The following NPAS4 variants were observed in gnomAD, a reference collection of about 807,000 sequenced individuals.
NPAS4 encodes the protein neuronal PAS domain-containing protein 4.
A neutral mutation model predicts 64.0 loss-of-function variants in NPAS4; 10 were observed. That is an observed-to-expected ratio of 0.16 (90% CI 0.10 to 0.26). The LOEUF is 0.26. Among genes scored for constraint, NPAS4 ranks in the 10% least tolerant of loss-of-function variants. The pLI is 1.00. For missense variants in NPAS4, 886 were observed against 992.6 expected (o/e 0.89, Z 1.44); for synonymous variants, 441 against 411.7 (o/e 1.07, Z -0.86).
rs923439670 is a variant in NPAS4, at chr11:66,423,227, G to A, written c.803G>A (p.Arg268His). 2.5e-6 allele frequency: 4 copies of A among 1,593,018 alleles called. No homozygotes were observed. The highest frequency in any genetic ancestry group is 1.7e-4 in the Middle Eastern group (1 of 6,036). Reference protein sequence around the residue: ...DLAHASAQHYRLLAESGDIQA... With the variant: ...DLAHASAQHYHLLAESGDIQA... ...GCCCACGCTTCTGCTCAACACTACC[G>A]CCTGTGTGAGTGTCCAGAGAGGCTG... The change falls in exon 5 of 8, where the codon CGC becomes CAC. Residue 268 changes from arginine (R) to histidine (H), a missense_variant. This residue lies in a region of NPAS4 where 820 missense variants were observed against 855.5 expected (regional missense o/e 0.96). Coordinates refer to ENST00000311034, the MANE Select transcript of NPAS4 (RefSeq NM_178864.4).
At chr11:66,423,528 G>C in intron 5 of NPAS4, 50 bp from the exon 6 acceptor site, 3 of 1,608,884 alleles carry the variant, frequency 1.9e-6, no homozygotes, top group Non-Finnish European at 2.5e-6. Flanking sequence ...GTGGGGAGTA[G>C]GTAGAATTGC....
Position 66,425,215 on chromosome 11 carries a change from G to A in NPAS4, c.2325G>A (p.Gly775=), listed in dbSNP as rs780780487. ...ETGVSAFPYD[G]FTDELHQLQS... ...GTGTCTCAGCATTCCCCTATGATGG[G>A]TTTACTGATGAGTTGCATCAACTCC... is the stretch of plus-strand genomic sequence containing the variant. The change falls in exon 7 of 8, where the codon GGG becomes GGA. Residue 775 remains glycine (G), a synonymous_variant. Transcript: ENST00000311034. 6.5e-7 allele frequency: 1 copy of A among 1,541,328 alleles called. No homozygotes were observed. The highest frequency in any genetic ancestry group is 8.7e-7 in the Non-Finnish European group (1 of 1,150,544).
chr11:66,419,705 T>TG (rs1856709678), upstream of NPAS4, among the ~76,000 whole-genome samples: 1 of 78,234 alleles, frequency 1.3e-5, no homozygotes, highest in Admixed American at 1.5e-4. Context: ...TGTGGGGGGG[T>TG]GGGGATAGGG....
At chr11:66,412,757 C>A in the NPAS4 span, among the ~76,000 whole-genome samples, 1 of 152,208 alleles carries the variant, frequency 6.6e-6, no homozygotes, top group Non-Finnish European at 1.5e-5. Flanking sequence ...ACTTAACTGA[C>A]CGATGTCACA....
chr11:66,410,603 G>A, the NPAS4 span: 2 of 152,260 alleles, frequency 1.3e-5, no homozygotes, highest in Non-Finnish European at 2.9e-5. Flanking sequence ...ACAGCCTGTG[G>A]GAGGCCCACA....
the NPAS4 span, among the ~76,000 whole-genome samples, chr11:66,412,871 G>A: frequency 6.6e-6 from 1 of 152,308 alleles, no homozygotes; most frequent in South Asian, 2.1e-4. Context: ...CACGTGGACC[G>A]TGTCTCTCCC....
At chr11:66,418,394 G>T (rs1856693525), upstream of NPAS4, among the ~76,000 whole-genome samples, 1 of 152,110 alleles carries the variant, frequency 6.6e-6, no homozygotes, top group Non-Finnish European at 1.5e-5. Flanking sequence ...ACCGTCACTG[G>T]TGATATAAAT....
At position 66,422,941 on chromosome 11, in the gene NPAS4, G is replaced by A; in HGVS notation, c.698G>A (p.Ser233Asn). Reference sequence around the variant, plus strand: ...CTGGCTCTACTGGACATCTCCGAGAGGTAAGCCTGGAGTGTTCAGATTCCA... The same window carrying A: ...CTGGCTCTACTGGACATCTCCGAGAAGTAAGCCTGGAGTGTTCAGATTCCA... ...KDLALLDISE[S>N]VLIYLGFERS... Residue 233 changes from serine (S) to asparagine (N), a missense_variant and splice_region_variant, in exon 4 of 8, where the codon AGT (serine) becomes AAT (asparagine). By Grantham distance (46) the Ser-to-Asn change is conservative. Coordinates refer to ENST00000311034, the MANE Select transcript of NPAS4 (RefSeq NM_178864.4). 1.2e-6 allele frequency: 2 copies of A among 1,603,584 alleles called. No individual in the cohort carries two copies. Among genetic ancestry groups the A allele is most frequent in the South Asian group, 1.1e-5 (1 of 91,056 alleles).
At chr11:66,420,074 C>A (rs1856717286), upstream of NPAS4, among the ~76,000 whole-genome samples, 6 of 152,202 alleles carry the variant, frequency 3.9e-5, no homozygotes. Flanking sequence ...GCCCCGCCCC[C>A]GCCCCCGGCC....
At chr11:66,415,613 CTT>C in the NPAS4 span, among the ~76,000 whole-genome samples, 1 of 152,166 alleles carries the variant, frequency 6.6e-6, no homozygotes, top group Admixed American at 6.5e-5. Flanking sequence ...TCCAATAAAA[CTT>C]TATTTACAAA....
intron 1 of NPAS4, 37 bp from the exon 2 acceptor site, chr11:66,422,083 T>A: frequency 6.2e-7 from 1 of 1,600,938 alleles, no homozygotes; most frequent in Middle Eastern, 1.9e-4. Context: ...TGCCTCCCAG[T>A]CTTACTCCTG....
At chr11:66,422,601 C>T (rs893335216) in intron 3 of NPAS4, 48 bp downstream of exon 3, 2 of 1,599,266 alleles carry the variant, frequency 1.3e-6, no homozygotes, top group African/African-American at 1.3e-5. Context: ...CACCTGCTGC[C>T]CTTCTCCCCA....
chr11:66,425,079 A>T lies in NPAS4; in HGVS notation c.2189A>T (p.Asp730Val). ...PDPSEEWGSGDPEAEGPGGAP... is the reference protein window; with the variant it reads ...PDPSEEWGSGVPEAEGPGGAP... ...CCCAGTGAGGAATGGGGCTCAGGGG[A>T]TCCTGAGGCAGAGGGCCCAGGAGGG... The change falls in exon 7 of 8, where the codon GAT becomes GTT. Residue 730 changes from aspartate (D) to valine (V), a missense_variant. By Grantham distance (152) the Asp-to-Val change is radical. Coordinates refer to ENST00000311034, the MANE Select transcript of NPAS4 (RefSeq NM_178864.4). 6.2e-7 allele frequency: 1 copy of T among 1,603,618 alleles called. No individual in the cohort carries two copies. The highest frequency in any genetic ancestry group is 1.7e-5 in the Admixed American group (1 of 57,646).
At chr11:66,422,384 T>C in intron 2 of NPAS4, 67 bp from the exon 3 acceptor site, 1 of 1,477,046 alleles carries the variant, frequency 6.8e-7, no homozygotes, top group Non-Finnish European at 9.5e-7. Context: ...CCCTACAAGA[T>C]ACTGTAGATC....
chr11:66,426,240 TGAATGGGATTTCAAGCGGA>T lies in NPAS4; in HGVS notation c.*259_*277del, dbSNP rs1856836961. Reference sequence around the variant, plus strand: ...TGTATTCACTCGTAGTGAGTTTCCTTGAATGGGATTTCAAGCGGAGAATGGGGGAGTCTCACTTCCCCGC... The same window carrying T: ...TGTATTCACTCGTAGTGAGTTTCCTTGAATGGGGGAGTCTCACTTCCCCGC... On this transcript the variant is annotated 3_prime_UTR_variant, in exon 8 of 8. Transcript: ENST00000311034. The T allele has an allele frequency of 4.6e-6, 2 of 438,180 alleles. No individual in the cohort carries two copies. Among genetic ancestry groups the T allele is most frequent in the Admixed American group, 7.4e-5 (2 of 27,040 alleles). The allele number at this position is 438,180 out of a possible 1,614,324, so 27.1% of individuals were successfully genotyped here.
chr11:66,420,892 G>A (rs1382612788), upstream of NPAS4: 3 of 378,992 alleles, frequency 7.9e-6, no homozygotes, highest in Middle Eastern at 7.3e-4. Context: ...GAAGCCGGGC[G>A]GGAGGAGGAG....
upstream of NPAS4, among the ~76,000 whole-genome samples, chr11:66,419,516 C>A (rs1416858013): frequency 6.6e-6 from 1 of 152,134 alleles, no homozygotes; most frequent in Non-Finnish European, 1.5e-5. Flanking sequence ...TAAGTGGCCT[C>A]ATTTCCAGCC....
chr11:66,419,935 C>T (rs990949145), upstream of NPAS4, among the ~76,000 whole-genome samples: 1 of 152,196 alleles, frequency 6.6e-6, no homozygotes, highest in Non-Finnish European at 1.5e-5. Flanking sequence ...TCAGCTGCTC[C>T]CCCATCTTGC....
Position 66,423,883 on chromosome 11 carries a change from C to A in NPAS4, c.993C>A (p.Thr331=), listed in dbSNP as rs1341308519. The A allele has an allele frequency of 1.9e-6, 3 of 1,613,552 alleles. No homozygotes were observed. Among genetic ancestry groups the A allele is most frequent in the Non-Finnish European group, 2.5e-6 (3 of 1,179,710 alleles). ...GCCAGCAGTTGAACTCTGAAGACAC[C>A]CAGGCAGCTTATGTCCTGGGCACTC... is the stretch of plus-strand genomic sequence containing the variant. The part of the protein sequence containing the change: ...SLRQQLNSED[T]QAAYVLGTPT... Residue 331 remains threonine (T), a synonymous_variant, in exon 7 of 8, where the codon ACC becomes ACA. Coordinates refer to ENST00000311034, the MANE Select transcript of NPAS4 (RefSeq NM_178864.4).
Sources: gnomAD v4.1 joint callset for allele counts (sites outside exome capture counted in the v4.1 genomes callset) on GRCh38, gnomAD v4.1.1 for gene constraint, gnomAD v4.1.1 regional missense constraint, MANE v1.5 for transcripts, NCBI Gene and HGNC (gene_info 2026-07-23, HGNC 2026-07-21) for gene names.